The following RBFOX3 variants were observed in gnomAD, a reference collection of about 807,000 sequenced individuals.
RBFOX3 encodes the protein RNA binding protein fox-1 homolog 3.
In RBFOX3, 17 loss-of-function variants were observed where a neutral mutation model predicts 48.7. The observed-to-expected ratio is 0.35, with a 90% CI of 0.24 to 0.52. The LOEUF is 0.52. Ranked by LOEUF, RBFOX3 falls within the 20% of genes least tolerant of loss-of-function variation. The pLI, the probability that RBFOX3 is intolerant of heterozygous loss-of-function variation, is 0.94. For missense variants in RBFOX3, 382 were observed against 497.5 expected (o/e 0.77, Z 2.21); for synonymous variants, 212 against 209.5 (o/e 1.01, Z -0.10).
At position 79,361,920 on chromosome 17, in the gene RBFOX3, A is replaced by G. The variant is rs1208695591; in HGVS notation, c.-174-54096T>C. 6.6e-6 allele frequency among the ~76,000 whole-genome samples: 1 copy of G among 152,216 alleles called. No homozygotes were observed. Among genetic ancestry groups the G allele is most frequent in the Non-Finnish European group, 1.5e-5 (1 of 68,034 alleles). Reference sequence around the variant, plus strand: ...AAAACTTCAATAAAAATGTTATAAAAATGTCTTATTTTGGTAGTTAATTGC... The same window carrying G: ...AAAACTTCAATAAAAATGTTATAAAGATGTCTTATTTTGGTAGTTAATTGC... On this transcript the variant is annotated intron_variant, in intron 2 of 14. Transcript: ENST00000693108. The surrounding 1 kb of genome is among the most constrained non-coding windows in gnomAD (Gnocchi z 4.5).
intron 4 of RBFOX3, among the ~76,000 whole-genome samples, chr17:79,200,155 T>C (rs1318870984): frequency 2.6e-5 from 2 of 78,260 alleles, no homozygotes; most frequent in Admixed American, 2.0e-4. Context: ...AGAGCGAGAC[T>C]CCGTCTCAAA....
intron 2 of RBFOX3, among the ~76,000 whole-genome samples, chr17:79,328,514 T>G (rs570037174): frequency 6.6e-6 from 1 of 152,306 alleles, no homozygotes; most frequent in South Asian, 2.1e-4. Context: ...CATTTTAATT[T>G]GATTCAATGG....
chr17:79,233,613 CT>C (rs560571844), intron 4 of RBFOX3: 645 of 144,738 alleles, frequency 4.5e-3, no homozygotes, highest in South Asian at 0.011. Context: ...AAATGGATTC[CT>C]TTTTTTTTTT....
At chr17:79,352,417 G>A (rs1250338876) in intron 2 of RBFOX3, among the ~76,000 whole-genome samples, 1 of 152,142 alleles carries the variant, frequency 6.6e-6, no homozygotes, top group Non-Finnish European at 1.5e-5. Flanking sequence ...TGCTTCCTGT[G>A]CAGCCTGCAG....
At chr17:79,358,093 C>T (rs574278046) in intron 2 of RBFOX3, among the ~76,000 whole-genome samples, 177 of 152,178 alleles carry the variant, frequency 1.2e-3, no homozygotes, top group African/African-American at 3.9e-3. Flanking sequence ...ACCACAGGCA[C>T]ACACCACCAG....
intron 1 of RBFOX3, among the ~76,000 whole-genome samples, chr17:79,565,658 G>A (rs912814163): frequency 3.9e-5 from 6 of 151,968 alleles, no homozygotes; most frequent in African/African-American, 9.7e-5. Context: ...TCTATTTTTT[G>A]GCAATAGAAT....
rs982663740 is a variant in RBFOX3 at position 79,094,406 on chromosome 17, C to T, written c.1077+45G>A. The T allele has an allele frequency of 1.4e-5, 19 of 1,406,364 alleles. No homozygotes were observed. In the African/African-American group the frequency reaches 2.2e-4, roughly 17 times the overall value. 87.1% of individuals were successfully genotyped at this position (1,406,364 alleles called of 1,614,324 possible). A position where few individuals can be genotyped will look rare whatever the true frequency, so the allele number is the denominator to read the frequency against. Reference sequence around the variant, plus strand: ...CAAGGGCCTCACCACCCATGCCCAGCTGTTAGGACTGGCACCCAGGGCTGG... The same window carrying T: ...CAAGGGCCTCACCACCCATGCCCAGTTGTTAGGACTGGCACCCAGGGCTGG... On this transcript the variant is annotated intron_variant, in intron 14 of 14. Transcript: ENST00000693108.
chr17:79,454,374 C>A (rs1415378002), intron 2 of RBFOX3, among the ~76,000 whole-genome samples: 4 of 152,152 alleles, frequency 2.6e-5, no homozygotes, highest in Non-Finnish European at 5.9e-5. Flanking sequence ...TGTATCCCTG[C>A]CCAGCCCCTC....
At chr17:79,144,388 C>T (rs979885065) in intron 4 of RBFOX3, among the ~76,000 whole-genome samples, 5 of 152,192 alleles carry the variant, frequency 3.3e-5, no homozygotes, top group Non-Finnish European at 7.4e-5. Flanking sequence ...ACCACAGAGG[C>T]GTCACATGAC....
chr17:79,389,138 A>G (rs1168147310), intron 2 of RBFOX3, among the ~76,000 whole-genome samples: 1 of 152,110 alleles, frequency 6.6e-6, no homozygotes, highest in Non-Finnish European at 1.5e-5. Context: ...ACAGGGGAGG[A>G]AACTCACTTT....
At chr17:79,248,526 C>T (rs999970251) in intron 3 of RBFOX3, among the ~76,000 whole-genome samples, 1 of 152,228 alleles carries the variant, frequency 6.6e-6, no homozygotes, top group African/African-American at 2.4e-5. Flanking sequence ...AATGCAACGT[C>T]ATTTCCACGT....
intron 2 of RBFOX3, among the ~76,000 whole-genome samples, chr17:79,425,134 C>A (rs1379765680): frequency 1.3e-5 from 2 of 152,150 alleles, no homozygotes; most frequent in Non-Finnish European, 2.9e-5. Context: ...TACACTAAAC[C>A]CTCCAGGAGC....
intron 1 of RBFOX3, among the ~76,000 whole-genome samples, chr17:79,548,173 T>A (rs2143408993): frequency 6.6e-6 from 1 of 152,252 alleles, no homozygotes; most frequent in Non-Finnish European, 1.5e-5. Context: ...GGGCGGCAGG[T>A]AGGGGCGGGC....
chr17:79,180,756 T>C (rs2051724054), intron 4 of RBFOX3, among the ~76,000 whole-genome samples: 1 of 152,014 alleles, frequency 6.6e-6, no homozygotes, highest in Non-Finnish European at 1.5e-5. Flanking sequence ...GGCTGCATTC[T>C]AGACCTTTCC....
intron 4 of RBFOX3, among the ~76,000 whole-genome samples, chr17:79,170,737 T>G (rs2049107831): frequency 6.6e-6 from 1 of 152,132 alleles, no homozygotes; most frequent in Non-Finnish European, 1.5e-5. Flanking sequence ...AGATGAACTT[T>G]CCTTACTTGT....
At chr17:79,234,841 C>G (rs2061456874) in intron 4 of RBFOX3, 1 of 148,228 alleles carries the variant, frequency 6.7e-6, no homozygotes, top group South Asian at 2.1e-4. Context: ...AAGTGATTCT[C>G]CTGCCTCGGC....
chr17:79,497,944 C>G (rs980090842), intron 1 of RBFOX3, among the ~76,000 whole-genome samples: 2 of 152,330 alleles, frequency 1.3e-5, no homozygotes, highest in African/African-American at 4.8e-5. Context: ...TGGACCAGAC[C>G]CCTAGAAGAG....
At chr17:79,258,397 T>C (rs2065219580) in intron 3 of RBFOX3, among the ~76,000 whole-genome samples, 1 of 152,208 alleles carries the variant, frequency 6.6e-6, no homozygotes, top group South Asian at 2.1e-4. Flanking sequence ...AACATCTCCA[T>C]TCCTCAGAAC....
Position 79,512,903 on chromosome 17 carries a change from T to C in RBFOX3, c.-319-30305A>G, listed in dbSNP as rs1226980719. Among the ~76,000 whole-genome samples, 4 of 147,418 alleles carry C rather than the reference T, an allele frequency of 2.7e-5. 1 individual carries two copies. The highest frequency in any genetic ancestry group is 1.0e-4 in the African/African-American group (4 of 39,546). On this transcript the variant is annotated intron_variant, in intron 1 of 14. Transcript: ENST00000693108. ...CGTATTACCATCGGCTACGGCCCCATGGCCAGGGGACGCACATGCAGATAC... is the reference window on the plus strand; with the variant it reads ...CGTATTACCATCGGCTACGGCCCCACGGCCAGGGGACGCACATGCAGATAC...
Sources: gnomAD v4.1 joint callset for allele counts (sites outside exome capture counted in the v4.1 genomes callset) on GRCh38, gnomAD v4.1.1 for gene constraint, Gnocchi (gnomAD v3.1) non-coding constraint, MANE v1.5 for transcripts, NCBI Gene and HGNC (gene_info 2026-07-23, HGNC 2026-07-21) for gene names.